The following ROBO2 variants were observed in gnomAD, a reference collection of about 807,000 sequenced individuals.
ROBO2 encodes the protein roundabout homolog 2.
ROBO2 carries 53 observed loss-of-function variants against 160.8 expected under a neutral mutation model. The ratio of observed to expected loss-of-function variants is 0.33; its 90% CI spans 0.26 to 0.41. ROBO2 has a LOEUF of 0.41. ROBO2 is among the 10% of genes least tolerant of loss of function. The probability of loss-of-function intolerance (pLI) is 1.00; values close to 1 mark genes in which losing one functional copy is unlikely to be tolerated. For synonymous variants in ROBO2, 664 were observed against 611.7 expected (o/e 1.09, Z -1.26); for missense variants, 1,577 against 1,722.4 (o/e 0.92, Z 1.49).
chr3:77,226,951 T>C (rs1397166384), intron 2 of ROBO2, among the ~76,000 whole-genome samples: 2 of 152,182 alleles, frequency 1.3e-5, no homozygotes, highest in Non-Finnish European at 2.9e-5. Context: ...AAAGTAGTGG[T>C]TGCTGACCAA....
chr3:76,214,883 C>A (rs1703400268), intron 2 of ROBO2, among the ~76,000 whole-genome samples: 1 of 152,190 alleles, frequency 6.6e-6, no homozygotes, highest in African/African-American at 2.4e-5. Flanking sequence ...GTCCCTGACT[C>A]CCGAGTAGCC....
At chr3:76,141,433 A>C (rs918646074) in intron 2 of ROBO2, among the ~76,000 whole-genome samples, 1 of 150,974 alleles carries the variant, frequency 6.6e-6, no homozygotes, top group Non-Finnish European at 1.5e-5. Flanking sequence ...GTACCCACCG[A>C]ATATAATTTT....
Position 76,711,738 on chromosome 3 carries a change from A to G in ROBO2, c.110-386276A>G, listed in dbSNP as rs558488143. ...TTCATCATGCACCATGCTGCTTCTC[A>G]CTTACCTGTCATGAAAGCACTCTTT... On this transcript the variant is annotated intron_variant, in intron 2 of 26. Coordinates refer to the ROBO2 transcript ENST00000487694. 1.1e-4 allele frequency among the ~76,000 whole-genome samples: 17 copies of G among 152,104 alleles called. No individual in the cohort carries two copies. The South Asian group carries it at 1.9e-3, about 17-fold the overall frequency.
chr3:77,640,132 G>A (rs559325172), intron 24 of ROBO2, among the ~76,000 whole-genome samples: 14 of 74,872 alleles, frequency 1.9e-4, no homozygotes, highest in African/African-American at 8.2e-4. Flanking sequence ...TTTTTTTTGA[G>A]ACGGAGTCTC....
intron 5 of ROBO2, among the ~76,000 whole-genome samples, chr3:77,493,755 C>A (rs1163691506): frequency 6.6e-6 from 1 of 152,090 alleles, no homozygotes; most frequent in Non-Finnish European, 1.5e-5. Flanking sequence ...CTCTGGATAC[C>A]CTTTGTCACC....
intron 2 of ROBO2, among the ~76,000 whole-genome samples, chr3:76,583,245 T>G (rs2085819353): frequency 6.6e-6 from 1 of 152,168 alleles, no homozygotes; most frequent in Non-Finnish European, 1.5e-5. Context: ...TGTCTCAGCA[T>G]CTGACTCATG....
At chr3:76,322,177 TATATATATATATATATATATATATATA>T (rs2072596984) in intron 2 of ROBO2, among the ~76,000 whole-genome samples, 1 of 47,844 alleles carries the variant, frequency 2.1e-5, no homozygotes, top group Non-Finnish European at 6.0e-5. Flanking sequence ...TATATATATA[TATATATATATATATATATATATATATA>T]ATATACACAC....
At chr3:76,975,903 T>A (rs2059794783) in intron 2 of ROBO2, among the ~76,000 whole-genome samples, 1 of 152,134 alleles carries the variant, frequency 6.6e-6, no homozygotes, top group South Asian at 2.1e-4. Flanking sequence ...TATGAAGACA[T>A]GATTTAGCTG....
At chr3:77,595,072 AGTT>A in intron 17 of ROBO2, 67 bp from the exon 19 acceptor site, 1 of 1,228,834 alleles carries the variant, frequency 8.1e-7, no homozygotes, top group African/African-American at 1.5e-5. Flanking sequence ...GCCAATATGT[AGTT>A]GTTATTAATT....
chr3:76,433,065 T>C (rs2109031014), intron 2 of ROBO2, among the ~76,000 whole-genome samples: 1 of 152,318 alleles, frequency 6.6e-6, no homozygotes, highest in East Asian at 1.9e-4. Context: ...AAAGTGCCAA[T>C]CTTTTTTCCA....
At chr3:76,725,352 T>C (rs1344751882) in intron 2 of ROBO2, among the ~76,000 whole-genome samples, 2 of 152,198 alleles carry the variant, frequency 1.3e-5, no homozygotes, top group Non-Finnish European at 2.9e-5. Flanking sequence ...CTTGCACAAA[T>C]GACTTTTGAT....
intron 2 of ROBO2, among the ~76,000 whole-genome samples, chr3:76,296,601 A>G (rs914566217): frequency 6.6e-6 from 1 of 152,106 alleles, no homozygotes; most frequent in Non-Finnish European, 1.5e-5. Context: ...AACACTTCTA[A>G]TGTTCCATAA....
In ROBO2 at chr3:77,453,061, G is replaced by A. The variant is rs7636147; in HGVS notation, c.389-24353G>A. Among the ~76,000 whole-genome samples the A allele has an allele frequency of 6.4e-3, 973 of 152,110 alleles. 12 individuals are homozygous for A. Among genetic ancestry groups the A allele is most frequent in the African/African-American group, 0.022 (920 of 41,502 alleles). ...TCTATGGCCTAGGTATCACACTTCC[G>A]TATAGCCAAGTCTACTCAACATTGC... On this transcript the variant is annotated intron_variant, in intron 2 of 25. Transcript: ENST00000461745.
chr3:76,750,243 A>G (rs959159270), intron 2 of ROBO2, among the ~76,000 whole-genome samples: 2 of 152,158 alleles, frequency 1.3e-5, no homozygotes, highest in Non-Finnish European at 2.9e-5. Context: ...ACAAAATTCA[A>G]CAGTCCTTCA....
chr3:76,444,224 C>T (rs980384589), intron 2 of ROBO2, among the ~76,000 whole-genome samples: 6 of 152,060 alleles, frequency 3.9e-5, no homozygotes, highest in South Asian at 4.1e-4. Flanking sequence ...GTGATCCACC[C>T]GCCTTGGCCT....
intron 2 of ROBO2, among the ~76,000 whole-genome samples, chr3:77,131,639 A>G (rs2075863588): frequency 6.6e-6 from 1 of 152,144 alleles, no homozygotes; most frequent in African/African-American, 2.4e-5. Flanking sequence ...AGTTGTTGGT[A>G]AGCTCTAAAC....
intron 2 of ROBO2, among the ~76,000 whole-genome samples, chr3:76,723,022 A>C (rs2093489550): frequency 1.3e-5 from 2 of 152,172 alleles, no homozygotes; most frequent in African/African-American, 4.8e-5. Context: ...GTCAGAAAAT[A>C]ACACTGCTTC....
At chr3:76,750,905 A>C (rs1480602283) in intron 2 of ROBO2, among the ~76,000 whole-genome samples, 1 of 152,124 alleles carries the variant, frequency 6.6e-6, no homozygotes, top group Admixed American at 6.6e-5. Context: ...CATCCCCATC[A>C]AGCTATCAAT....
At chr3:77,378,806 A>G (rs957920944) in intron 2 of ROBO2, among the ~76,000 whole-genome samples, 3 of 152,202 alleles carry the variant, frequency 2.0e-5, no homozygotes, top group Admixed American at 1.3e-4. Flanking sequence ...TTACTTCTGC[A>G]TAGATGCCCG....
Sources: allele counts gnomAD v4.1 joint callset (sites outside exome capture counted in the v4.1 genomes callset), GRCh38; gene constraint gnomAD v4.1.1; transcripts MANE v1.5; gene names NCBI Gene and HGNC (gene_info 2026-07-23, HGNC 2026-07-21).